KIF5C: variants seen among roughly 807,000 people sequenced by gnomAD.
KIF5C encodes the protein kinesin heavy chain isoform 5C.
A neutral mutation model predicts 125.2 loss-of-function variants in KIF5C; 18 were observed. The ratio of observed to expected loss-of-function variants is 0.14; its 90% CI spans 0.10 to 0.21. The LOEUF is 0.21. KIF5C is among the 10% of genes least tolerant of loss of function. The pLI, the probability that KIF5C is intolerant of heterozygous loss-of-function variation, is 1.00. For missense variants in KIF5C, 780 were observed against 1,183.8 expected (o/e 0.66, Z 5.01); for synonymous variants, 405 against 434.0 (o/e 0.93, Z 0.83).
At chr2:148,954,302 A>G (rs1682740692) in intron 10 of KIF5C, among the ~76,000 whole-genome samples, 1 of 152,196 alleles carries the variant, frequency 6.6e-6, no homozygotes, top group South Asian at 2.1e-4. Flanking sequence ...CAGCACTTGA[A>G]TTACGAGGCA....
At chr2:148,940,478 C>A (rs745880630) in intron 4 of KIF5C, among the ~76,000 whole-genome samples, 2 of 152,076 alleles carry the variant, frequency 1.3e-5, no homozygotes, top group African/African-American at 4.8e-5. Context: ...AGTTCCAGAC[C>A]GAGGCACATT....
intron 12 of KIF5C, among the ~76,000 whole-genome samples, chr2:148,977,742 T>C (rs1403919434): frequency 1.3e-5 from 2 of 152,206 alleles, no homozygotes; most frequent in Non-Finnish European, 2.9e-5. Flanking sequence ...CCTGTATGGC[T>C]GATTTTAGAA....
intron 13 of KIF5C, 82 bp from the exon 14 acceptor site, chr2:148,981,273 A>G: frequency 6.9e-7 from 1 of 1,451,626 alleles, no homozygotes; most frequent in Non-Finnish European, 9.1e-7. Context: ...CTGGTTTTTA[A>G]ATTACTTACT....
chr2:149,014,660 T>A (rs1682307869), intron 25 of KIF5C, among the ~76,000 whole-genome samples: 1 of 152,206 alleles, frequency 6.6e-6, no homozygotes, highest in Admixed American at 6.5e-5. Context: ...TTAAATGAGG[T>A]CATGCTTCTA....
At position 149,023,880 on chromosome 2, in the gene KIF5C, G is replaced by C. The variant is rs886371282; in HGVS notation, c.*810G>C. ...AAGTTGGATAAGTGGAAATGTGGCT[G>C]CCCCTCTCCTCACTACTTCCTCTCT... is the stretch of plus-strand genomic sequence containing the variant. On this transcript the variant is annotated 3_prime_UTR_variant, in exon 26 of 26. Coordinates refer to ENST00000435030, the MANE Select transcript of KIF5C (RefSeq NM_004522.3). The C allele has an allele frequency of 6.6e-6, 1 of 152,206 alleles. No homozygotes were observed. Among genetic ancestry groups the C allele is most frequent in the East Asian group, 1.9e-4 (1 of 5,204 alleles). The allele number at this position is 152,206 out of a possible 1,614,324, so 9.4% of individuals were successfully genotyped here.
intron 1 of KIF5C, among the ~76,000 whole-genome samples, chr2:148,919,958 C>T (rs536939312): frequency 2.6e-5 from 4 of 152,208 alleles, no homozygotes; most frequent in Admixed American, 2.6e-4. Flanking sequence ...TATGAAGAAT[C>T]GCTGTATTAT....
chr2:148,917,577 T>C (rs549880099), intron 1 of KIF5C, among the ~76,000 whole-genome samples: 2 of 152,350 alleles, frequency 1.3e-5, no homozygotes, highest in South Asian at 4.1e-4. Context: ...GGTGATGGTG[T>C]TGGTGACAGT....
chr2:148,920,098 CT>C (rs140454832), intron 1 of KIF5C, among the ~76,000 whole-genome samples: 9 of 151,336 alleles, frequency 5.9e-5, no homozygotes, highest in African/African-American at 1.2e-4. Context: ...CTGAGGAGTC[CT>C]TTTTTTTTTG....
Position 149,021,569 on chromosome 2 carries a change from A to G in KIF5C, c.*8-1509A>G, listed in dbSNP as rs183859463. Among the ~76,000 whole-genome samples, 495 of 152,242 alleles carry G rather than the reference A, an allele frequency of 3.3e-3. 1 individual carries two copies. Among genetic ancestry groups the G allele is most frequent in the Middle Eastern group, 6.8e-3 (2 of 294 alleles). On this transcript the variant is annotated intron_variant, in intron 25 of 25. Coordinates refer to ENST00000435030, the MANE Select transcript of KIF5C (RefSeq NM_004522.3). ...AATATGTGAGGTTGCTTACAATATT[A>G]TAACATATAAATCAGAAGAGTGAAG... is the stretch of plus-strand genomic sequence containing the variant.
chr2:148,880,265 C>T (rs1163316354), intron 1 of KIF5C, among the ~76,000 whole-genome samples: 1 of 152,102 alleles, frequency 6.6e-6, no homozygotes, highest in African/African-American at 2.4e-5. Flanking sequence ...GGACTACAGG[C>T]GTGTGCCACC....
intron 21 of KIF5C, among the ~76,000 whole-genome samples, chr2:149,002,966 C>A (rs545259625): frequency 1.3e-5 from 2 of 152,222 alleles, no homozygotes; most frequent in Non-Finnish European, 2.9e-5. Flanking sequence ...CTCTCTCCCA[C>A]GCTGGGCGCG....
chr2:149,011,804 C>T (rs1574837421), intron 25 of KIF5C, 121 bp downstream of exon 25: 2 of 1,347,132 alleles, frequency 1.5e-6, no homozygotes, highest in East Asian at 2.5e-5. Flanking sequence ...CAGCACACAC[C>T]CTGGGGGTTC....
chr2:148,944,180 A>G (rs1362506232), intron 7 of KIF5C, among the ~76,000 whole-genome samples: 1 of 152,196 alleles, frequency 6.6e-6, no homozygotes, highest in Non-Finnish European at 1.5e-5. Context: ...TATACTTAAT[A>G]TGAAATTTGC....
At chr2:148,979,124 G>T in intron 13 of KIF5C, 134 bp downstream of exon 13, 1 of 1,193,342 alleles carries the variant, frequency 8.4e-7, no homozygotes, top group Non-Finnish European at 1.1e-6. Context: ...CTTGGTAGAT[G>T]TCCCTTCACT....
At chr2:148,891,533 C>T (rs1302288082) in intron 1 of KIF5C, among the ~76,000 whole-genome samples, 1 of 152,160 alleles carries the variant, frequency 6.6e-6, no homozygotes, top group African/African-American at 2.4e-5. Context: ...CTGCTCTTCT[C>T]ACAGACCTTT....
intron 24 of KIF5C, among the ~76,000 whole-genome samples, chr2:149,010,950 A>G (rs186116276): frequency 5.3e-5 from 8 of 152,092 alleles, no homozygotes; most frequent in African/African-American, 1.9e-4. Flanking sequence ...GGTTCCCAGG[A>G]TAGCCATAGG....
At chr2:148,909,232 T>G (rs760214519) in intron 1 of KIF5C, among the ~76,000 whole-genome samples, 13 of 152,202 alleles carry the variant, frequency 8.5e-5, no homozygotes, top group Non-Finnish European at 1.6e-4. Context: ...CAGCCCACTT[T>G]CCAGCAGACC....
intron 3 of KIF5C, among the ~76,000 whole-genome samples, chr2:148,930,884 G>A (rs979819643): frequency 2.6e-5 from 4 of 151,998 alleles, no homozygotes; most frequent in African/African-American, 7.3e-5. Flanking sequence ...TCTTGGAAAC[G>A]CCACCCTGCT....
chr2:148,997,574 T>C, intron 18 of KIF5C: 1 of 625,664 alleles, frequency 1.6e-6, no homozygotes, highest in Non-Finnish European at 2.6e-6. Context: ...AATACCTTTG[T>C]CTTCACCATT....
Sources: allele counts gnomAD v4.1 joint callset (sites outside exome capture counted in the v4.1 genomes callset), GRCh38; gene constraint gnomAD v4.1.1; transcripts MANE v1.5; gene names NCBI Gene and HGNC (gene_info 2026-07-23, HGNC 2026-07-21).